The following NPAS2 variants were observed in gnomAD, a reference collection of about 807,000 sequenced individuals.
NPAS2 encodes the protein neuronal PAS domain-containing protein 2.
NPAS2 carries 23 observed loss-of-function variants against 107.5 expected under a neutral mutation model. The observed-to-expected ratio is 0.21, with a 90% CI of 0.15 to 0.30. The LOEUF (loss-of-function observed/expected upper bound fraction) is 0.30, where lower values mean the gene tolerates loss of function less well. NPAS2 is among the 10% of genes least tolerant of loss of function. NPAS2 has a pLI of 1.00. For missense variants in NPAS2, 756 were observed against 1,043.3 expected (o/e 0.72, Z 3.79); for synonymous variants, 403 against 417.5 (o/e 0.97, Z 0.42).
At chr2:100,850,953 CAAAAAAAAAAAAA>C (rs148858541) in intron 1 of NPAS2, among the ~76,000 whole-genome samples, 3 of 41,866 alleles carry the variant, frequency 7.2e-5, no homozygotes, top group East Asian at 2.1e-3. Flanking sequence ...AACTCTGTCT[CAAAAAAAAAAAAA>C]AAAAAAAAAA....
intron 1 of NPAS2, among the ~76,000 whole-genome samples, chr2:100,881,251 C>T (rs1277443516): frequency 6.6e-6 from 1 of 152,226 alleles, no homozygotes; most frequent in Non-Finnish European, 1.5e-5. Flanking sequence ...CATCACTGTT[C>T]AGTGTGAGTG....
At chr2:100,837,264 A>G (rs997621245) in intron 1 of NPAS2, among the ~76,000 whole-genome samples, 2 of 152,130 alleles carry the variant, frequency 1.3e-5, no homozygotes, top group African/African-American at 2.4e-5. Flanking sequence ...ATTGATCCTA[A>G]TATCTTATTC....
intron 14 of NPAS2, 41 bp from the exon 15 acceptor site, chr2:100,977,669 T>A (rs1677110335): frequency 6.4e-7 from 1 of 1,554,288 alleles, no homozygotes. Flanking sequence ...TCCCCTGGAA[T>A]GGCAGAAGCA....
chr2:100,843,959 A>G (rs971830582), intron 1 of NPAS2, among the ~76,000 whole-genome samples: 1 of 152,166 alleles, frequency 6.6e-6, no homozygotes, highest in Non-Finnish European at 1.5e-5. Flanking sequence ...GGAGACAGAA[A>G]TGGAAGATTC....
intron 2 of NPAS2, among the ~76,000 whole-genome samples, chr2:100,909,910 C>T (rs2104804381): frequency 6.6e-6 from 1 of 152,224 alleles, no homozygotes; most frequent in Non-Finnish European, 1.5e-5. Flanking sequence ...CTTCCTGTAG[C>T]CCAGTAAACG....
intron 14 of NPAS2, 103 bp from the exon 15 acceptor site, chr2:100,977,607 C>A: frequency 1.1e-6 from 1 of 926,916 alleles, no homozygotes; most frequent in South Asian, 1.4e-5. Context: ...TGGAGCTGTT[C>A]ACCCCAGTGC....
At chr2:100,878,018 T>G (rs11904563) in intron 1 of NPAS2, 780,712 of 985,202 alleles carry the variant, frequency 0.79, 309,795 homozygotes, top group African/African-American at 0.84. Flanking sequence ...GTATAGCTAA[T>G]ACCAGAGTGC....
Position 100,898,236 on chromosome 2 carries a change from T to C in NPAS2, c.-22-6497T>C, listed in dbSNP as rs546119700. Among the ~76,000 whole-genome samples the C allele has an allele frequency of 2.4e-4, 37 of 152,258 alleles. 1 individual carries two copies. The South Asian group carries it at 7.1e-3, about 29-fold the overall frequency. ...ACCACCATGACAAGCTAATTTTTACTTTTTTGTAGAGACGGAATCTTGCTG... is the reference window on the plus strand; with the variant it reads ...ACCACCATGACAAGCTAATTTTTACCTTTTTGTAGAGACGGAATCTTGCTG... On this transcript the variant is annotated intron_variant, in intron 1 of 20. Transcript: ENST00000335681.
intron 1 of NPAS2, among the ~76,000 whole-genome samples, chr2:100,902,418 C>A (rs1336100613): frequency 1.3e-5 from 2 of 152,198 alleles, no homozygotes; most frequent in African/African-American, 2.4e-5. Context: ...GTGACCCATG[C>A]AGCAACATGG....
At chr2:100,974,977 G>A (rs779155450) in intron 13 of NPAS2, 33 bp downstream of exon 13, 2 of 1,610,646 alleles carry the variant, frequency 1.2e-6, no homozygotes, top group Admixed American at 3.3e-5. Context: ...GGAGTGGGAT[G>A]TCCACATCAG....
Position 100,990,372 on chromosome 2 carries a change from C to T in NPAS2, c.1944C>T (p.Thr648=). Residue 648 remains threonine (T), a synonymous_variant, in exon 18 of 21, where the codon ACC becomes ACT. Coordinates refer to ENST00000335681, the MANE Select transcript of NPAS2 (RefSeq NM_002518.4). ...TAALPPSLNL[T]TPASTSQDAS... Reference sequence around the variant, plus strand: ...CGCTCCCGCCAAGTCTGAATCTGACCACACCTGCTTCCACCTCCCAGGATG... The same window carrying T: ...CGCTCCCGCCAAGTCTGAATCTGACTACACCTGCTTCCACCTCCCAGGATG... The T allele has an allele frequency of 6.2e-7, 1 of 1,614,220 alleles. No individual in the cohort carries two copies. The highest frequency in any genetic ancestry group is 1.6e-4 in the Middle Eastern group (1 of 6,062).
At chr2:100,893,193 T>C (rs973776243) in intron 1 of NPAS2, among the ~76,000 whole-genome samples, 1 of 152,164 alleles carries the variant, frequency 6.6e-6, no homozygotes, top group Non-Finnish European at 1.5e-5. Flanking sequence ...TTCCTTAACA[T>C]AATGAGGAAA....
intron 4 of NPAS2, chr2:100,935,012 T>C (rs1684208806): frequency 1.0e-6 from 1 of 985,394 alleles, no homozygotes; most frequent in East Asian, 1.1e-4. Context: ...TTCTTCCCTC[T>C]TCTCTCTAAG....
chr2:100,835,290 G>A lies in NPAS2; in HGVS notation c.-23+14876G>A, dbSNP rs578155622. The stretch of plus-strand genomic sequence containing the variant: ...AGAAGAACCAGAAATAGAACAGCTC[G>A]TTTTTATTTACTTTTTCTGAAATGT... On this transcript the variant is annotated intron_variant, in intron 1 of 20. Transcript: ENST00000335681. Among the ~76,000 whole-genome samples the A allele has an allele frequency of 3.9e-5, 6 of 152,320 alleles. No individual in the cohort carries two copies. The South Asian group carries it at 6.2e-4, about 16-fold the overall frequency.
At chr2:100,860,456 C>T (rs139141368) in intron 1 of NPAS2, among the ~76,000 whole-genome samples, 1 of 152,168 alleles carries the variant, frequency 6.6e-6, no homozygotes, top group Admixed American at 6.5e-5. Context: ...TGGGAGATAT[C>T]CTGAGACTAT....
intron 1 of NPAS2, among the ~76,000 whole-genome samples, chr2:100,842,081 G>GCGCGCACGCGCGCACA: frequency 1.4e-4 from 21 of 148,798 alleles, no homozygotes; most frequent in African/African-American, 4.7e-4. Context: ...GCATGTACGC[G>GCGCGCACGCGCGCACA]CACACACACA....
chr2:100,957,750 C>T (rs1198414728), intron 7 of NPAS2, among the ~76,000 whole-genome samples: 2 of 152,066 alleles, frequency 1.3e-5, no homozygotes, highest in Non-Finnish European at 2.9e-5. Context: ...CACAGTGAAA[C>T]CCCGTCTCTG....
chr2:100,903,312 C>T (rs577695197), intron 1 of NPAS2, among the ~76,000 whole-genome samples: 1 of 152,338 alleles, frequency 6.6e-6, no homozygotes, highest in Admixed American at 6.5e-5. Context: ...TAAGCACAGG[C>T]CTGTTTGCAG....
chr2:100,940,766 C>T (rs941776862), intron 5 of NPAS2, among the ~76,000 whole-genome samples: 2 of 152,216 alleles, frequency 1.3e-5, no homozygotes, highest in African/African-American at 4.8e-5. Flanking sequence ...CACTTTGGCT[C>T]CAGAGCTTGG....
Sources: gnomAD v4.1 joint callset for allele counts (sites outside exome capture counted in the v4.1 genomes callset) on GRCh38, gnomAD v4.1.1 for gene constraint, MANE v1.5 for transcripts, NCBI Gene and HGNC (gene_info 2026-07-23, HGNC 2026-07-21) for gene names.